NIBAN1: variants seen among roughly 807,000 people sequenced by gnomAD.
The protein encoded by NIBAN1 is protein Niban 1.
Under a neutral mutation model 75.1 loss-of-function variants are expected in NIBAN1, and 81 were observed. That is an observed-to-expected ratio of 1.08 (90% CI 0.90 to 1.30). The LOEUF is 1.30. NIBAN1 is among the 50% of genes most tolerant of loss of function. The pLI, the probability that NIBAN1 is intolerant of heterozygous loss-of-function variation, is 0.00. For synonymous variants in NIBAN1, 436 were observed against 424.8 expected, an observed-to-expected ratio of 1.03 and a Z score of -0.32; for missense variants, 1,133 against 1,128.1, an observed-to-expected ratio of 1.00 and a Z score of -0.06.
At chr1:184,913,137 G>GTATATATATATATATATTA (rs771522323) in intron 1 of NIBAN1, among the ~76,000 whole-genome samples, 2,712 of 109,672 alleles carry the variant, frequency 0.025, 84 homozygotes, top group African/African-American at 0.087. Flanking sequence ...TATCATGCAG[G>GTATATATATATATATATTA]TATATATATA....
chr1:184,843,451 CA>C (rs111759441), intron 5 of NIBAN1, among the ~76,000 whole-genome samples: 42 of 149,576 alleles, frequency 2.8e-4, no homozygotes, highest in Admixed American at 4.0e-4. Context: ...TTCCCCCCCG[CA>C]AAAAAAAAGA....
chr1:184,866,809 A>G (rs1052836559), intron 5 of NIBAN1, among the ~76,000 whole-genome samples: 21 of 152,146 alleles, frequency 1.4e-4, no homozygotes, highest in African/African-American at 4.3e-4. Context: ...ACCAAACCCA[A>G]TCATAAATGT....
At chr1:184,956,033 G>GTTTGT (rs10682418) in intron 1 of NIBAN1, among the ~76,000 whole-genome samples, 88,128 of 147,902 alleles carry the variant, frequency 0.6, 26,647 homozygotes, top group Non-Finnish European at 0.65. Context: ...CTTTTTGTTT[G>GTTTGT]TTTTTTTTTT....
At chr1:184,821,511 T>A (rs1462120392) in intron 8 of NIBAN1, 1 of 152,218 alleles carries the variant, frequency 6.6e-6, no homozygotes, top group Non-Finnish European at 1.5e-5. Context: ...TAAAAAGACT[T>A]GATCATTACT....
intron 1 of NIBAN1, among the ~76,000 whole-genome samples, chr1:184,908,458 A>G (rs1657159227): frequency 6.6e-6 from 1 of 152,160 alleles, no homozygotes; most frequent in African/African-American, 2.4e-5. Context: ...ACACACTACC[A>G]TTTCATGTTA....
At chr1:184,878,635 C>T (rs1656296244) in intron 5 of NIBAN1, among the ~76,000 whole-genome samples, 1 of 152,184 alleles carries the variant, frequency 6.6e-6, no homozygotes, top group South Asian at 2.1e-4. Context: ...AAGTGAATAG[C>T]TCTGGATTTG....
chr1:184,863,711 G>A (rs926327263), intron 5 of NIBAN1, among the ~76,000 whole-genome samples: 2 of 152,122 alleles, frequency 1.3e-5, no homozygotes, highest in Non-Finnish European at 2.9e-5. Flanking sequence ...CATATGACCT[G>A]GTTGCCAGAC....
rs3737954 is a variant in NIBAN1, at chr1:184,791,675, C to T, written c.*3302G>A. 5.3e-5 allele frequency: 8 copies of T among 151,770 alleles called. No homozygotes were observed. The East Asian group carries it at 9.7e-4, about 18-fold the overall frequency. The allele number at this position is 151,770 out of a possible 1,614,324, so 9.4% of individuals were successfully genotyped here. A position where few individuals can be genotyped will look rare whatever the true frequency, so the allele number is the denominator to read the frequency against. On this transcript the variant is annotated 3_prime_UTR_variant, in exon 14 of 14. Coordinates refer to ENST00000367511, the MANE Select transcript of NIBAN1 (RefSeq NM_052966.4). ...GGAGTTTTTGCCAAAAACCATGTCT[C>T]GAGGTTTTATGCATTTCTAATGGCT... is the stretch of plus-strand genomic sequence containing the variant.
chr1:184,838,086 T>C (rs973201493), intron 5 of NIBAN1, among the ~76,000 whole-genome samples: 1 of 152,200 alleles, frequency 6.6e-6, no homozygotes, highest in Non-Finnish European at 1.5e-5. Context: ...TCTTTTTTAA[T>C]ACAACCACGT....
chr1:184,808,089 CTG>C lies in NIBAN1; in HGVS notation c.1318_1319del (p.Gln440GlufsTer15), dbSNP rs759905082. 39 of 1,613,830 alleles carry C rather than the reference CTG, an allele frequency of 2.4e-5. No homozygotes were observed. The highest frequency in any genetic ancestry group is 3.2e-5 in the Non-Finnish European group (38 of 1,179,926). ...CCACACCCACCTCCTGCATGTAGTT[CTG>C]TGTCCTCTGAACCACCAGATCAATG... ...PHIDLVVQRT[Q>X]NYMQELMENA... On this transcript the variant is annotated frameshift_variant, in exon 10 of 14. Coordinates refer to ENST00000367511, the MANE Select transcript of NIBAN1 (RefSeq NM_052966.4). LOFTEE classifies it high-confidence loss of function.
intron 1 of NIBAN1, among the ~76,000 whole-genome samples, chr1:184,950,698 A>G (rs1658338496): frequency 6.6e-6 from 1 of 152,224 alleles, no homozygotes; most frequent in Non-Finnish European, 1.5e-5. Flanking sequence ...CGATTAGGTT[A>G]TGCTAGAAAT....
chr1:184,892,874 T>G lies in NIBAN1; in HGVS notation c.318+1201A>C, dbSNP rs141551367. Among the ~76,000 whole-genome samples the G allele has an allele frequency of 6.6e-5, 10 of 152,190 alleles. No individual in the cohort carries two copies. The East Asian group carries it at 1.7e-3, about 27-fold the overall frequency. On this transcript the variant is annotated intron_variant, in intron 3 of 13. Transcript: ENST00000367511. ...GCAACCTCAACCTCCCGAGTTCAAG[T>G]GATTCTCCTGCCTCACCCTCTTGAG... is the stretch of plus-strand genomic sequence containing the variant.
intron 1 of NIBAN1, among the ~76,000 whole-genome samples, chr1:184,943,612 A>G (rs1282870164): frequency 6.6e-6 from 1 of 152,200 alleles, no homozygotes. Context: ...AAGGAATGCA[A>G]TGTAGCAAGT....
At position 184,795,261 on chromosome 1, in the gene NIBAN1, C is replaced by T. The variant is rs1439831770; in HGVS notation, c.2503G>A (p.Glu835Lys). ...CCCTCTTGCTGTGAGGCATCCCCTT[C>T]CTCGGTACACTTGCCCCCTCTTCCT... ...HEGRGGKCTE[E>K]GDASQQEGCT... is the part of the protein sequence containing the mutation. The change falls in exon 14 of 14, where the codon GAA (glutamate) becomes AAA (lysine). Residue 835 changes from glutamate to lysine, a missense_variant. Transcript: ENST00000367511. The T allele has an allele frequency of 6.2e-7, 1 of 1,613,218 alleles. No individual in the cohort carries two copies. The highest frequency in any genetic ancestry group is 8.5e-7 in the Non-Finnish European group (1 of 1,180,054).
rs368817529 is a variant in NIBAN1 at position 184,804,710 on chromosome 1, C to CT, written c.1447-1019dup. ...CTAAAGCATTTGACACTGACACTAT[C>CT]TTTTTTTTTTTAGTTGCATTGCAAT... On this transcript the variant is annotated intron_variant, in intron 11 of 13. Transcript: ENST00000367511. Among the ~76,000 whole-genome samples the CT allele has an allele frequency of 9.4e-3, 1,351 of 144,054 alleles. 17 individuals are homozygous for CT. Among genetic ancestry groups the CT allele is most frequent in the East Asian group, 0.057 (283 of 4,978 alleles). 94.5% of individuals were successfully genotyped at this position (144,054 alleles called of 152,430 possible). A position where few individuals can be genotyped will look rare whatever the true frequency, so the allele number is the denominator to read the frequency against.
intron 1 of NIBAN1, among the ~76,000 whole-genome samples, chr1:184,912,389 G>C (rs1657264335): frequency 6.6e-6 from 1 of 152,092 alleles, no homozygotes; most frequent in African/African-American, 2.4e-5. Flanking sequence ...TTAGGTCAAA[G>C]GGTGAGCATC....
intron 1 of NIBAN1, among the ~76,000 whole-genome samples, chr1:184,962,598 G>A (rs914579306): frequency 2.0e-5 from 3 of 152,088 alleles, no homozygotes; most frequent in African/African-American, 7.2e-5. Context: ...CTTACTCCCT[G>A]TATGGGACAG....
chr1:184,829,999 C>T (rs183363453), intron 6 of NIBAN1, among the ~76,000 whole-genome samples: 7 of 152,364 alleles, frequency 4.6e-5, no homozygotes, highest in African/African-American at 9.6e-5. Flanking sequence ...ATCAGCTCCA[C>T]AGGGCCAGGA....
chr1:184,964,996 T>A (rs1031086628), intron 1 of NIBAN1, among the ~76,000 whole-genome samples: 1 of 152,186 alleles, frequency 6.6e-6, no homozygotes, highest in African/African-American at 2.4e-5. Context: ...AGCTGTTATG[T>A]GCCTCCAGAT....
Sources: gnomAD v4.1 joint callset for allele counts (sites outside exome capture counted in the v4.1 genomes callset) on GRCh38, gnomAD v4.1.1 for gene constraint, MANE v1.5 for transcripts, NCBI Gene and HGNC (gene_info 2026-07-23, HGNC 2026-07-21) for gene names.